Variants in PLCL1 observed in about 807,000 individuals in gnomAD.
The protein encoded by PLCL1 is phospholipase C like 1 (inactive).
In PLCL1, 41 loss-of-function variants were observed where a neutral mutation model predicts 84.4. The ratio of observed to expected loss-of-function variants is 0.49; its 90% CI spans 0.38 to 0.63. PLCL1 has a LOEUF of 0.63. PLCL1 is among the 30% of genes least tolerant of loss of function. PLCL1 has a pLI of 0.00. For synonymous variants in PLCL1, 490 were observed against 488.3 expected (o/e 1.00, Z -0.05); for missense variants, 1,206 against 1,367.8 (o/e 0.88, Z 1.87).
chr2:197,953,381 G>A lies in PLCL1; in HGVS notation c.241-130377G>A, dbSNP rs191318746. Among the ~76,000 whole-genome samples the A allele has an allele frequency of 2.8e-3, 431 of 152,084 alleles. 2 individuals are homozygous for A. The highest frequency in any genetic ancestry group is 4.5e-3 in the Non-Finnish European group (304 of 67,944). ...CAGTGGGTGCTGTGTTAATCCCAAG[G>A]GAACAGAAAACCTCTGGAAGCCCCC... On this transcript the variant is annotated intron_variant, in intron 1 of 5. Transcript: ENST00000428675.
At chr2:197,970,477 T>C (rs1421158922) in intron 1 of PLCL1, among the ~76,000 whole-genome samples, 1 of 152,214 alleles carries the variant, frequency 6.6e-6, no homozygotes, top group African/African-American at 2.4e-5. Context: ...CAAATGGAGA[T>C]ATACTATAAG....
intron 1 of PLCL1, among the ~76,000 whole-genome samples, chr2:197,950,626 G>A (rs1283277638): frequency 6.6e-6 from 1 of 152,026 alleles, no homozygotes; most frequent in African/African-American, 2.4e-5. Flanking sequence ...TCTACATGAC[G>A]AAAACGTCAC....
At position 198,148,063 on chromosome 2, in the gene PLCL1, T is replaced by C. The variant is rs535308739; in HGVS notation, c.*1101T>C. On this transcript the variant is annotated 3_prime_UTR_variant, in exon 6 of 6. Coordinates refer to ENST00000428675, the MANE Select transcript of PLCL1 (RefSeq NM_006226.4). ...CCTAACACACACAGAAAAGCATACA[T>C]GCAAAAAGAAATGACTAATTAGGGT... The C allele has an allele frequency of 1.3e-5, 2 of 152,414 alleles. No individual in the cohort carries two copies. The highest frequency in any genetic ancestry group is 4.8e-5 in the African/African-American group (2 of 41,566). The allele number at this position is 152,414 out of a possible 1,614,324, so 9.4% of individuals were successfully genotyped here. A position where few individuals can be genotyped will look rare whatever the true frequency, so the allele number is the denominator to read the frequency against.
intron 1 of PLCL1, among the ~76,000 whole-genome samples, chr2:198,046,864 CCA>C (rs1229687005): frequency 3.3e-5 from 5 of 152,002 alleles, no homozygotes; most frequent in Non-Finnish European, 7.4e-5. Context: ...AAACAAAAAA[CCA>C]AAACCTTCAT....
chr2:197,870,994 C>T (rs1687641805), intron 1 of PLCL1, among the ~76,000 whole-genome samples: 1 of 152,010 alleles, frequency 6.6e-6, no homozygotes, highest in Admixed American at 6.6e-5. Context: ...GGATATTAAA[C>T]TACATGAGCA....
intron 1 of PLCL1, among the ~76,000 whole-genome samples, chr2:198,030,924 G>A (rs1421477211): frequency 6.6e-6 from 1 of 152,114 alleles, no homozygotes; most frequent in African/African-American, 2.4e-5. Flanking sequence ...GTCTGCTAAG[G>A]ATTTCCTTTT....
At chr2:197,944,897 T>C (rs987645281) in intron 1 of PLCL1, among the ~76,000 whole-genome samples, 4 of 152,214 alleles carry the variant, frequency 2.6e-5, no homozygotes, top group Admixed American at 1.3e-4. Flanking sequence ...CTTTATTTCA[T>C]TGAAACTGGA....
intron 1 of PLCL1, among the ~76,000 whole-genome samples, chr2:197,908,897 T>G (rs1175312313): frequency 6.6e-6 from 1 of 152,242 alleles, no homozygotes; most frequent in Non-Finnish European, 1.5e-5. Flanking sequence ...ATAATTGATT[T>G]AAGAATTAGC....
chr2:198,047,889 TA>T (rs1252391600), intron 1 of PLCL1, among the ~76,000 whole-genome samples: 3 of 152,174 alleles, frequency 2.0e-5, no homozygotes, highest in Non-Finnish European at 2.9e-5. Flanking sequence ...GCAGGGAGGT[TA>T]AAATCAGAAG....
intron 2 of PLCL1, among the ~76,000 whole-genome samples, chr2:198,087,425 C>T (rs555645085): frequency 1.3e-5 from 2 of 152,136 alleles, no homozygotes; most frequent in African/African-American, 2.4e-5. Flanking sequence ...AGATATTCAC[C>T]GAGTACCTGC....
At chr2:198,001,098 G>T (rs1690590304) in intron 1 of PLCL1, among the ~76,000 whole-genome samples, 1 of 152,082 alleles carries the variant, frequency 6.6e-6, no homozygotes, top group Admixed American at 6.6e-5. Context: ...CTCCTCATGG[G>T]GTTGTTTAGA....
chr2:197,918,969 C>CTCTCTCTCTCTCTCTCTCTCT (rs1369678298), intron 1 of PLCL1, among the ~76,000 whole-genome samples: 2 of 146,968 alleles, frequency 1.4e-5, no homozygotes, highest in Non-Finnish European at 3.0e-5. Context: ...TCTCTCTCTC[C>CTCTCTCTCTCTCTCTCTCTCT]CTCACACACA....
At chr2:197,977,444 T>A (rs772715679) in intron 1 of PLCL1, among the ~76,000 whole-genome samples, 17 of 152,222 alleles carry the variant, frequency 1.1e-4, no homozygotes, top group Non-Finnish European at 2.2e-4. Flanking sequence ...CTCTTCTGGC[T>A]TCATTGCAGT....
chr2:197,820,894 T>A (rs1690802366), intron 1 of PLCL1, among the ~76,000 whole-genome samples: 1 of 152,170 alleles, frequency 6.6e-6, no homozygotes, highest in African/African-American at 2.4e-5. Context: ...CGTATGGACA[T>A]TAAAGCTTAA....
intron 5 of PLCL1, among the ~76,000 whole-genome samples, chr2:198,122,496 A>G (rs1191040353): frequency 1.3e-5 from 2 of 152,068 alleles, no homozygotes; most frequent in African/African-American, 4.8e-5. Context: ...AATATATGAA[A>G]ATGCTTTTAG....
intron 5 of PLCL1, among the ~76,000 whole-genome samples, chr2:198,120,351 T>G (rs577924117): frequency 6.6e-6 from 1 of 152,024 alleles, no homozygotes; most frequent in Non-Finnish European, 1.5e-5. Context: ...TAGTTATTTT[T>G]AAATATACAA....
intron 1 of PLCL1, among the ~76,000 whole-genome samples, chr2:197,899,403 G>A (rs1688218820): frequency 6.6e-6 from 1 of 151,390 alleles, no homozygotes; most frequent in Non-Finnish European, 1.5e-5. Flanking sequence ...AATACCTACT[G>A]GTACTCAGCA....
chr2:198,011,983 A>C (rs2105830699), intron 1 of PLCL1, among the ~76,000 whole-genome samples: 1 of 152,142 alleles, frequency 6.6e-6, no homozygotes, highest in African/African-American at 2.4e-5. Context: ...CTTTTACTGT[A>C]GCCTATGTGT....
intron 1 of PLCL1, among the ~76,000 whole-genome samples, chr2:197,859,224 T>G (rs571895877): frequency 1.3e-5 from 2 of 152,280 alleles, no homozygotes; most frequent in East Asian, 3.9e-4. Context: ...TTTCTCTTCT[T>G]CCTCTTCCTA....
Sources: gnomAD v4.1 joint callset for allele counts (sites outside exome capture counted in the v4.1 genomes callset) on GRCh38, gnomAD v4.1.1 for gene constraint, MANE v1.5 for transcripts, NCBI Gene and HGNC (gene_info 2026-07-23, HGNC 2026-07-21) for gene names.